Variants in AKAP12 observed in about 807,000 individuals in gnomAD.
The protein encoded by AKAP12 is A-kinase anchor protein 12.
A neutral mutation model predicts 79.9 loss-of-function variants in AKAP12; 32 were observed. The ratio of observed to expected loss-of-function variants is 0.40; its 90% CI spans 0.30 to 0.54. AKAP12 has a LOEUF of 0.54. Among genes scored for constraint, AKAP12 ranks in the 20% least tolerant of loss-of-function variants. AKAP12 has a pLI of 0.48. For missense variants in AKAP12, 2,074 were observed against 2,177.0 expected (o/e 0.95, Z 0.94); for synonymous variants, 808 against 857.0 (o/e 0.94, Z 1.00).
intron 2 of AKAP12, among the ~76,000 whole-genome samples, chr6:151,285,672 A>G (rs566058358): frequency 2.0e-5 from 3 of 152,262 alleles, no homozygotes; most frequent in South Asian, 2.1e-4. Flanking sequence ...ATCACAGTCT[A>G]TCATTTGGGT....
At position 151,305,800 on chromosome 6, in the gene AKAP12, T is replaced by G; in HGVS notation, c.216T>G (p.Asp72Glu). The part of the protein sequence containing the change: ...LSTINGVAEQ[D>E]ELSLQEGDLN... ...CCATCAATGGCGTAGCTGAGCAAGA[T>G]GAGCTCAGCCTCCAGGAGGGTGACC... The change falls in exon 3 of 5, where the codon GAT becomes GAG. Residue 72 changes from aspartate to glutamate, a missense_variant. This residue lies in a region of AKAP12 where 1,428 missense variants were observed against 1,451.0 expected (regional missense o/e 0.98). Transcript: ENST00000402676. 2.5e-6 allele frequency: 4 copies of G among 1,613,988 alleles called. No homozygotes were observed. Among genetic ancestry groups the G allele is most frequent in the Non-Finnish European group, 3.4e-6 (4 of 1,179,952 alleles).
chr6:151,250,239 G>A (rs1333473486), intron 2 of AKAP12, among the ~76,000 whole-genome samples: 2 of 151,992 alleles, frequency 1.3e-5, no homozygotes, highest in South Asian at 2.1e-4. Context: ...TGGCTCACGC[G>A]TGTAATCCCA....
Position 151,348,697 on chromosome 6 carries a change from C to CCCCCCCTCTT in AKAP12, c.320-14_320-13insCCCCCCTCTT. The stretch of plus-strand genomic sequence containing the variant: ...TTCTCTTCTCCCCACCCCCCCGCCC[C>CCCCCCCTCTT]TTTTTGTTAATAGTTGGACAGAGAG... On this transcript the variant is annotated splice_polypyrimidine_tract_variant and intron_variant, in intron 3 of 4. Transcript: ENST00000402676. The CCCCCCCTCTT allele has an allele frequency of 1.5e-6, 1 of 650,664 alleles. No individual in the cohort carries two copies. Among genetic ancestry groups the CCCCCCCTCTT allele is most frequent in the South Asian group, 2.5e-5 (1 of 40,482 alleles). The allele number at this position is 650,664 out of a possible 1,614,324, so 40.3% of individuals were successfully genotyped here.
In AKAP12 at chr6:151,330,730, A is replaced by G. The variant is rs1467821165; in HGVS notation, c.320-17981A>G. On this transcript the variant is annotated intron_variant, in intron 3 of 4. Coordinates refer to ENST00000402676, the MANE Select transcript of AKAP12 (RefSeq NM_005100.4). The stretch of plus-strand genomic sequence containing the variant: ...AGTATATAATCAACATATTCCTTTA[A>G]AGTTTTTTTTTCTTTTAAGCCTCTA... Among the ~76,000 whole-genome samples, 3 of 152,154 alleles carry G rather than the reference A, an allele frequency of 2.0e-5. 1 individual carries two copies. Among genetic ancestry groups the G allele is most frequent in the African/African-American group, 7.2e-5 (3 of 41,446 alleles).
intron 3 of AKAP12, among the ~76,000 whole-genome samples, chr6:151,332,271 C>T (rs894216700): frequency 6.6e-6 from 1 of 151,920 alleles, no homozygotes; most frequent in African/African-American, 2.4e-5. Flanking sequence ...CTCCTGACCT[C>T]GTGATCCGCC....
intron 2 of AKAP12, among the ~76,000 whole-genome samples, chr6:151,259,420 A>G (rs1043925625): frequency 1.3e-5 from 2 of 149,124 alleles, no homozygotes; most frequent in Non-Finnish European, 3.0e-5. Context: ...ATATATGTAT[A>G]TATATATGTG....
rs565220706 is a variant in AKAP12 at position 151,328,879 on chromosome 6, T to A, written c.320-19832T>A. Among the ~76,000 whole-genome samples, 3 of 152,200 alleles carry A rather than the reference T, an allele frequency of 2.0e-5. No homozygotes were observed. In the South Asian group the frequency reaches 6.2e-4, roughly 32 times the overall value. On this transcript the variant is annotated intron_variant, in intron 3 of 4. Transcript: ENST00000402676. ...GTAAGGAAAAGCTGTCACTTAATAC[T>A]ATTATCCCCCTCCCCCCTGCCACAC...
At chr6:151,273,097 TG>T (rs1408819744) in intron 2 of AKAP12, among the ~76,000 whole-genome samples, 1 of 151,972 alleles carries the variant, frequency 6.6e-6, no homozygotes, top group African/African-American at 2.4e-5. Flanking sequence ...TTAGTAGAGA[TG>T]GGGTTTCACC....
chr6:151,352,615 C>T lies in AKAP12; in HGVS notation c.4224C>T (p.Thr1408=). The change falls in exon 4 of 5, where the codon ACC becomes ACT. Residue 1408 remains threonine, a synonymous_variant. Coordinates refer to ENST00000402676, the MANE Select transcript of AKAP12 (RefSeq NM_005100.4). Reference sequence around the variant, plus strand: ...TAGGTCAAGAGGAGGCAGTATGCACCAAAATTCAAGTTCAGAGCTCTGAGG... The same window carrying T: ...TAGGTCAAGAGGAGGCAGTATGCACTAAAATTCAAGTTCAGAGCTCTGAGG... ...PCLGQEEAVC[T]KIQVQSSEAS... 1 of 1,614,102 alleles carries T rather than the reference C, an allele frequency of 6.2e-7. No individual in the cohort carries two copies. The highest frequency in any genetic ancestry group is 8.5e-7 in the Non-Finnish European group (1 of 1,180,022).
chr6:151,287,149 C>G (rs1261258353), intron 2 of AKAP12, among the ~76,000 whole-genome samples: 2 of 152,056 alleles, frequency 1.3e-5, no homozygotes, highest in Admixed American at 1.3e-4. Context: ...CCGTGTTATC[C>G]AGGATGGTCT....
At chr6:151,344,181 G>A (rs556972362) in intron 3 of AKAP12, among the ~76,000 whole-genome samples, 8 of 152,168 alleles carry the variant, frequency 5.3e-5, no homozygotes, top group South Asian at 4.1e-4. Flanking sequence ...AATCTTCTTC[G>A]CTATCTGAAA....
chr6:151,322,731 C>CGTGTCCACCACCCACTCCTGCCACTGGGT (rs1562738526), intron 3 of AKAP12, among the ~76,000 whole-genome samples: 40 of 140,488 alleles, frequency 2.8e-4, no homozygotes, highest in African/African-American at 1.2e-3. Context: ...CGCCACTGGG[C>CGTGTCCACCACCCACTCCTGCCACTGGGT]GTGTCCACCA....
chr6:151,303,503 C>T (rs1215824239), intron 2 of AKAP12, among the ~76,000 whole-genome samples: 1 of 152,208 alleles, frequency 6.6e-6, no homozygotes. Flanking sequence ...GAGCCGAGAA[C>T]AGCCAGGTGA....
intron 3 of AKAP12, among the ~76,000 whole-genome samples, chr6:151,306,586 C>T (rs924848496): frequency 9.2e-5 from 14 of 152,092 alleles, no homozygotes; most frequent in South Asian, 4.2e-4. Context: ...AATGATGATT[C>T]GGCATACGGT....
At chr6:151,336,877 T>C (rs1777827170) in intron 3 of AKAP12, among the ~76,000 whole-genome samples, 1 of 152,174 alleles carries the variant, frequency 6.6e-6, no homozygotes, top group Non-Finnish European at 1.5e-5. Flanking sequence ...TTTTGAGAAA[T>C]GTCTAAGAAC....
chr6:151,326,317 G>C (rs948644331), intron 3 of AKAP12, among the ~76,000 whole-genome samples: 1 of 152,028 alleles, frequency 6.6e-6, no homozygotes, highest in Non-Finnish European at 1.5e-5. Context: ...CCTCTTCTGG[G>C]CAAATTACAA....
At chr6:151,278,905 G>A (rs1242073902) in intron 2 of AKAP12, among the ~76,000 whole-genome samples, 1 of 152,036 alleles carries the variant, frequency 6.6e-6, no homozygotes, top group African/African-American at 2.4e-5. Flanking sequence ...CTGACCTTGT[G>A]ATCCGCCTGC....
At chr6:151,348,309 A>C in intron 3 of AKAP12, 1 of 445,480 alleles carries the variant, frequency 2.2e-6, no homozygotes, top group Non-Finnish European at 4.5e-6. Flanking sequence ...TGGGCGACAG[A>C]GTGAGACTCT....
At chr6:151,280,613 T>A (rs1776383845) in intron 2 of AKAP12, 1 of 151,000 alleles carries the variant, frequency 6.6e-6, no homozygotes, top group Non-Finnish European at 1.5e-5. Context: ...AAACGAGCGC[T>A]CTTTTCTTTT....
Sources: gnomAD v4.1 joint callset for allele counts (sites outside exome capture counted in the v4.1 genomes callset) on GRCh38, gnomAD v4.1.1 for gene constraint, gnomAD v4.1.1 regional missense constraint, MANE v1.5 for transcripts, NCBI Gene and HGNC (gene_info 2026-07-23, HGNC 2026-07-21) for gene names.